The following GGA2 variants were observed in gnomAD, a reference collection of about 807,000 sequenced individuals.
GGA2 encodes the protein golgi associated, gamma adaptin ear containing, ARF binding protein 2, also known as ADP-ribosylation factor-binding protein GGA2.
GGA2 carries 48 observed loss-of-function variants against 79.5 expected under a neutral mutation model. That is an observed-to-expected ratio of 0.60 (90% CI 0.48 to 0.77). GGA2 has a LOEUF of 0.77. Among genes scored for constraint, GGA2 ranks in the 30% least tolerant of loss-of-function variants. The pLI is 0.00. For synonymous variants in GGA2, 317 were observed against 302.0 expected, an observed-to-expected ratio of 1.05 and a Z score of -0.51; for missense variants, 770 against 774.0, an observed-to-expected ratio of 0.99 and a Z score of 0.06.
At chr16:23,496,595 C>T (rs1964859067) in intron 1 of GGA2, among the ~76,000 whole-genome samples, 1 of 152,054 alleles carries the variant, frequency 6.6e-6, no homozygotes, top group Non-Finnish European at 1.5e-5. Context: ...GGCTGAGGTG[C>T]ATCGCTTGAG....
At chr16:23,493,323 T>C in intron 4 of GGA2, 37 bp downstream of exon 4, 5 of 1,197,836 alleles carry the variant, frequency 4.2e-6, no homozygotes, top group Non-Finnish European at 6.3e-6. Flanking sequence ...TGGGCGTAGG[T>C]GCGACACAGT....
chr16:23,494,397 A>C lies in GGA2; in HGVS notation c.177-19T>G. 1.3e-6 allele frequency: 2 copies of C among 1,559,272 alleles called. No homozygotes were observed. On this transcript the variant is annotated intron_variant, in intron 2 of 16. Coordinates refer to ENST00000309859, the MANE Select transcript of GGA2 (RefSeq NM_015044.4). The stretch of plus-strand genomic sequence containing the variant: ...TGTGGGGCTACAGGGAAACAAAAAG[A>C]CCTAGACTCTGGGCGGGCAAAAAGA...
At chr16:23,477,820 G>C (rs1596979281) in intron 13 of GGA2, among the ~76,000 whole-genome samples, 1 of 152,242 alleles carries the variant, frequency 6.6e-6, no homozygotes, top group South Asian at 2.1e-4. Context: ...CAGCCACATG[G>C]AACTATGAGT....
intron 2 of GGA2, chr16:23,495,353 G>A (rs958552177): frequency 6.3e-5 from 11 of 174,456 alleles, no homozygotes; most frequent in Non-Finnish European, 7.3e-5. Flanking sequence ...ACTGCCAGTT[G>A]CAAGTGAGCT....
intron 1 of GGA2, chr16:23,519,746 T>C (rs1468740020): frequency 4.3e-6 from 1 of 234,408 alleles, no homozygotes; most frequent in African/African-American, 2.4e-5. Flanking sequence ...GGTTTCTAGG[T>C]ACAGATTCCA....
intron 15 of GGA2, chr16:23,469,216 G>A (rs1359590346): frequency 2.2e-5 from 10 of 445,702 alleles, no homozygotes; most frequent in African/African-American, 7.7e-5. Context: ...AGAATGGATC[G>A]GGAGTTGTGT....
chr16:23,491,839 G>A (rs763133935), intron 4 of GGA2, 39 bp from the exon 5 acceptor site: 3 of 1,455,316 alleles, frequency 2.1e-6, no homozygotes, highest in Non-Finnish European at 2.9e-6. Flanking sequence ...GAGCTGGAAG[G>A]GACTTGGGAG....
chr16:23,501,768 T>C (rs1409611669), intron 1 of GGA2: 2 of 160,360 alleles, frequency 1.2e-5, no homozygotes, highest in Non-Finnish European at 2.7e-5. Context: ...TTTCTTTTTT[T>C]GTTGTTTAGG....
rs1356621861 is a variant in GGA2 at position 23,510,352 on chromosome 16, CG to C, written c.59del (p.Pro20ArgfsTer34). 7.7e-6 allele frequency: 11 copies of C among 1,434,736 alleles called. No homozygotes were observed. The highest frequency in any genetic ancestry group is 2.6e-5 in the Admixed American group (1 of 39,102). The allele number at this position is 1,434,736 out of a possible 1,614,324, so 88.9% of individuals were successfully genotyped here. ...ACAGCTCCAGCGACGCTGCCGGGCC[CG>C]GGGGACCCTGGGCCGACTCGGTTCC... ...VAGTESAQGP[P>X]GPAASLELWL... On this transcript the variant is annotated frameshift_variant, in exon 1 of 17. Coordinates refer to ENST00000309859, the MANE Select transcript of GGA2 (RefSeq NM_015044.4). LOFTEE classifies it high-confidence loss of function.
chr16:23,508,155 C>A (rs1041011504), intron 1 of GGA2, among the ~76,000 whole-genome samples: 4 of 151,880 alleles, frequency 2.6e-5, no homozygotes, highest in African/African-American at 9.7e-5. Flanking sequence ...CAACCTCTGC[C>A]CCAAGGGTTC....
In GGA2 at chr16:23,510,318, C is replaced by T. The variant is rs1321578650; in HGVS notation, c.91+3G>A. 4.2e-6 allele frequency: 6 copies of T among 1,432,058 alleles called. No individual in the cohort carries two copies. The African/African-American group carries it at 7.4e-5, about 18-fold the overall frequency. The allele number at this position is 1,432,058 out of a possible 1,614,324, so 88.7% of individuals were successfully genotyped here. ...TGCGCCGAAGGCCTGCCAGGCTACT[C>T]ACTGAGCCACAGCTCCAGCGACGCT... On this transcript the variant is annotated splice_donor_region_variant and intron_variant, in intron 1 of 16. Coordinates refer to ENST00000309859, the MANE Select transcript of GGA2 (RefSeq NM_015044.4).
At chr16:23,493,707 G>A in intron 3 of GGA2, 1 of 458,672 alleles carries the variant, frequency 2.2e-6, no homozygotes, top group Admixed American at 3.6e-5. Flanking sequence ...GTCAAACCCT[G>A]AGGTCACCCC....
In GGA2 at chr16:23,479,782, T is replaced by C; in HGVS notation, c.1112A>G (p.Gln371Arg). ...MGTVVPSLLH[Q>R]DLAALGISDA... ...GCCCTCACCCAAGGCTGCCAGGTCCTGATGAAGCAAAGATGGCACCACAGT... is the reference window on the plus strand; with the variant it reads ...GCCCTCACCCAAGGCTGCCAGGTCCCGATGAAGCAAAGATGGCACCACAGT... Residue 371 changes from glutamine (Q) to arginine (R), a missense_variant, in exon 11 of 17, where the codon CAG (glutamine) becomes CGG (arginine). Physicochemically the swap from Gln to Arg is conservative, Grantham distance 43 (BLOSUM62 1). Transcript: ENST00000309859. The C allele has an allele frequency of 3.7e-6, 6 of 1,614,110 alleles. No individual in the cohort carries two copies. In the Middle Eastern group the frequency reaches 8.3e-4, roughly 223 times the overall value.
chr16:23,488,016 CCTT>C (rs1226212544), intron 6 of GGA2, among the ~76,000 whole-genome samples: 6 of 152,132 alleles, frequency 3.9e-5, no homozygotes, highest in Non-Finnish European at 7.4e-5. Flanking sequence ...GTCTTGGCCA[CCTT>C]CTTCTTCTTG....
intron 5 of GGA2, among the ~76,000 whole-genome samples, chr16:23,489,336 G>A (rs923823241): frequency 1.3e-5 from 2 of 152,190 alleles, no homozygotes; most frequent in Non-Finnish European, 2.9e-5. Context: ...CTAAGGTCAA[G>A]CAGTCCTCTC....
At chr16:23,487,990 C>T (rs1000847927) in intron 6 of GGA2, among the ~76,000 whole-genome samples, 1 of 152,196 alleles carries the variant, frequency 6.6e-6, no homozygotes, top group African/African-American at 2.4e-5. Context: ...CTCACAGGCA[C>T]CACAGTTATC....
intron 8 of GGA2, among the ~76,000 whole-genome samples, chr16:23,483,875 G>A (rs950149748): frequency 6.6e-6 from 1 of 151,194 alleles, no homozygotes; most frequent in Non-Finnish European, 1.5e-5. Context: ...TTGAACTCCT[G>A]AACTCAGGTC....
At chr16:23,522,089 G>A, upstream of GGA2, 1 of 305,098 alleles carries the variant, frequency 3.3e-6, no homozygotes, top group Non-Finnish European at 6.6e-6. Context: ...CTGGGAGAGG[G>A]TGAGGCTCAT....
At chr16:23,491,638 T>C in intron 5 of GGA2, 39 bp downstream of exon 5, 1 of 1,595,494 alleles carries the variant, frequency 6.3e-7, no homozygotes, top group Non-Finnish European at 8.6e-7. Context: ...GATACAGGCC[T>C]AGTCAAGAGG....
Sources: gnomAD v4.1 joint callset for allele counts (sites outside exome capture counted in the v4.1 genomes callset) on GRCh38, gnomAD v4.1.1 for gene constraint, MANE v1.5 for transcripts, NCBI Gene and HGNC (gene_info 2026-07-23, HGNC 2026-07-21) for gene names.